TJP1: variants seen among roughly 807,000 people sequenced by gnomAD.
TJP1 encodes the protein tight junction protein 1.
Under a neutral mutation model 194.2 loss-of-function variants are expected in TJP1, and 43 were observed. The observed-to-expected ratio is 0.22, with a 90% confidence interval of 0.17 to 0.29. The LOEUF (loss-of-function observed/expected upper bound fraction) is 0.29, where lower values mean the gene tolerates loss of function less well. Among genes scored for constraint, TJP1 ranks in the 10% least tolerant of loss-of-function variants. The pLI is 1.00. For synonymous variants in TJP1, 801 were observed against 779.0 expected (o/e 1.03, Z -0.47); for missense variants, 1,971 against 2,185.7 (o/e 0.90, Z 1.96).
intron 2 of TJP1, among the ~76,000 whole-genome samples, chr15:29,912,147 G>C (rs2054034974): frequency 6.6e-6 from 1 of 152,196 alleles, no homozygotes; most frequent in Non-Finnish European, 1.5e-5. Context: ...ATGGTGGAGA[G>C]AGAAAAGAAA....
Position 29,701,541 on chromosome 15 carries a change from T to C in TJP1, c.*54A>G, listed in dbSNP as rs943123818. 58 of 1,447,050 alleles carry C rather than the reference T, an allele frequency of 4.0e-5. No homozygotes were observed. Among genetic ancestry groups the C allele is most frequent in the Non-Finnish European group, 4.1e-5 (42 of 1,031,658 alleles). The allele number at this position is 1,447,050 out of a possible 1,614,324, so 89.6% of individuals were successfully genotyped here. On this transcript the variant is annotated 3_prime_UTR_variant, in exon 28 of 28. Coordinates refer to ENST00000614355, the MANE Select transcript of TJP1 (RefSeq NM_001330239.4). ...TATAATACTTGATAGAGTGGTTCCA[T>C]TTAGATTAAGTTTAATCCAGTTTCA...
chr15:29,807,087 C>G (rs2049160059), intron 1 of TJP1, among the ~76,000 whole-genome samples: 1 of 152,162 alleles, frequency 6.6e-6, no homozygotes, highest in African/African-American at 2.4e-5. Flanking sequence ...CCACTGTATT[C>G]AACACTGGTT....
chr15:29,809,354 TCAC>T (rs1243670953), intron 1 of TJP1, among the ~76,000 whole-genome samples: 4 of 152,158 alleles, frequency 2.6e-5, no homozygotes, highest in Admixed American at 6.5e-5. Flanking sequence ...ACCATTGTAA[TCAC>T]CACAAGGAAG....
chr15:29,842,610 G>T (rs2051265705), intron 2 of TJP1, among the ~76,000 whole-genome samples: 1 of 152,104 alleles, frequency 6.6e-6, no homozygotes, highest in South Asian at 2.1e-4. Context: ...ACAGACAGTG[G>T]CCCCGCGCCA....
intron 2 of TJP1, among the ~76,000 whole-genome samples, chr15:29,833,728 T>C (rs2050908603): frequency 6.6e-6 from 1 of 150,784 alleles, no homozygotes; most frequent in Non-Finnish European, 1.5e-5. Context: ...ATTGATACTT[T>C]AATCTTTGAT....
At chr15:29,866,380 G>A (rs929980372) in intron 2 of TJP1, among the ~76,000 whole-genome samples, 3 of 152,106 alleles carry the variant, frequency 2.0e-5, no homozygotes, top group Non-Finnish European at 4.4e-5. Flanking sequence ...GCAATAAACA[G>A]TGTGTTTTGT....
At chr15:29,704,419 C>A (rs952649890) in intron 26 of TJP1, 114 bp from the exon 27 acceptor site, 1 of 1,324,718 alleles carries the variant, frequency 7.5e-7, no homozygotes, top group East Asian at 2.5e-5. Context: ...GGAGTTAGTT[C>A]TCTACAGTCG....
chr15:29,802,249 T>C (rs2151895615), intron 1 of TJP1, among the ~76,000 whole-genome samples: 1 of 152,226 alleles, frequency 6.6e-6, no homozygotes, highest in South Asian at 2.1e-4. Flanking sequence ...ATAAGTGAGG[T>C]CTGTTTTCTC....
chr15:29,781,287 CTGAACATACCAG>C (rs1315466025), intron 2 of TJP1, among the ~76,000 whole-genome samples: 2 of 152,136 alleles, frequency 1.3e-5, no homozygotes, highest in African/African-American at 4.8e-5. Flanking sequence ...AACTGAATCT[CTGAACATACCAG>C]TAACAAACGC....
chr15:29,884,367 T>C (rs1168369321), intron 2 of TJP1, among the ~76,000 whole-genome samples: 1 of 152,152 alleles, frequency 6.6e-6, no homozygotes, highest in Non-Finnish European at 1.5e-5. Flanking sequence ...CAGTGAATCT[T>C]AGAGGGTAGA....
upstream of TJP1, among the ~76,000 whole-genome samples, chr15:29,825,835 T>TA (rs1438757442): frequency 2.0e-5 from 3 of 152,192 alleles, no homozygotes; most frequent in Non-Finnish European, 1.5e-5. Context: ...GCCATACCAT[T>TA]AAAGATTCTA....
In TJP1 at chr15:29,727,081, C is replaced by T. The variant is rs185777436; in HGVS notation, c.2101-90G>A. The T allele has an allele frequency of 1.1e-4, 132 of 1,149,062 alleles. 1 individual carries two copies. In the African/African-American group the frequency reaches 1.6e-3, roughly 14 times the overall value. The allele number at this position is 1,149,062 out of a possible 1,614,324, so 71.2% of individuals were successfully genotyped here. On this transcript the variant is annotated intron_variant, in intron 16 of 27. Transcript: ENST00000614355. ...CAGCTGGGTGCAGTGGCTCACGCTA[C>T]GCCTATAATCCTAGCACTTTGGGAG...
In TJP1 at chr15:29,701,339, A is replaced by G. The variant is rs1218829953; in HGVS notation, c.*256T>C. On this transcript the variant is annotated 3_prime_UTR_variant, in exon 28 of 28. Transcript: ENST00000614355. ...TAAGCAGTGACGATAAAAAAATTAC[A>G]AAAATCACAAAGCAAAATATCTTTG... 2.7e-6 allele frequency: 1 copy of G among 369,680 alleles called. No individual in the cohort carries two copies. Among genetic ancestry groups the G allele is most frequent in the Non-Finnish European group, 4.9e-6 (1 of 204,462 alleles). The allele number at this position is 369,680 out of a possible 1,614,324, so 22.9% of individuals were successfully genotyped here.
At chr15:29,701,835 G>C in intron 27 of TJP1, 146 bp from the exon 28 acceptor site, 2 of 620,050 alleles carry the variant, frequency 3.2e-6, no homozygotes, top group Non-Finnish European at 5.5e-6. Context: ...ACACATTGCT[G>C]TATTTCAAAG....
intron 15 of TJP1, among the ~76,000 whole-genome samples, chr15:29,731,828 A>G (rs2043684408): frequency 6.6e-6 from 1 of 152,202 alleles, no homozygotes; most frequent in East Asian, 1.9e-4. Context: ...AAAGTAAATA[A>G]AACAAGGATC....
intron 2 of TJP1, among the ~76,000 whole-genome samples, chr15:29,920,558 C>T (rs2054324293): frequency 6.6e-6 from 1 of 152,214 alleles, no homozygotes; most frequent in Non-Finnish European, 1.5e-5. Context: ...CCGCCTCAGC[C>T]TTCCCTTCCA....
intron 2 of TJP1, among the ~76,000 whole-genome samples, chr15:29,925,188 C>A (rs546937878): frequency 1.3e-5 from 2 of 152,328 alleles, no homozygotes; most frequent in East Asian, 1.9e-4. Flanking sequence ...GTCCTGGTCA[C>A]CACAAGCTGT....
intron 2 of TJP1, among the ~76,000 whole-genome samples, chr15:29,949,266 CCACCTCCATCACCTCCACCGCCAT>C (rs2055429839): frequency 6.6e-5 from 6 of 91,304 alleles, no homozygotes; most frequent in African/African-American, 1.9e-4. Flanking sequence ...TCCACCACCA[CCACCTCCATCACCTCCACCGCCAT>C]CACCTCCACC....
At chr15:29,817,400 C>G (rs761727552) in intron 1 of TJP1, among the ~76,000 whole-genome samples, 3 of 152,146 alleles carry the variant, frequency 2.0e-5, no homozygotes, top group Non-Finnish European at 2.9e-5. Context: ...TAAATTAGTT[C>G]AACCATTGTG....
Sources: gnomAD v4.1 joint callset for allele counts (sites outside exome capture counted in the v4.1 genomes callset) on GRCh38, gnomAD v4.1.1 for gene constraint, MANE v1.5 for transcripts, NCBI Gene and HGNC (gene_info 2026-07-23, HGNC 2026-07-21) for gene names.